PCDHGB6: variants seen among roughly 807,000 people sequenced by gnomAD.
PCDHGB6 encodes the protein protocadherin gamma subfamily B, 6.
In PCDHGB6, 51 loss-of-function variants were observed where a neutral mutation model predicts 59.1. The ratio of observed to expected loss-of-function variants is 0.86; its 90% CI spans 0.69 to 1.09. The LOEUF (loss-of-function observed/expected upper bound fraction) is 1.09. Among genes scored for constraint, PCDHGB6 ranks in the 50% least tolerant of loss-of-function variants. The pLI, the probability that PCDHGB6 is intolerant of heterozygous loss-of-function variation, is 0.00. For missense variants in PCDHGB6, 1,148 were observed against 1,205.1 expected, an observed-to-expected ratio of 0.95 and a Z score of 0.70; for synonymous variants, 466 against 495.1, an observed-to-expected ratio of 0.94 and a Z score of 0.78.
At chr5:141,458,662 C>T (rs948275548) in intron 1 of PCDHGB6, among the ~76,000 whole-genome samples, 3 of 152,064 alleles carry the variant, frequency 2.0e-5, no homozygotes, top group East Asian at 1.9e-4. Flanking sequence ...CTCCACCTCT[C>T]GGGTTCAAGC....
chr5:141,474,022 A>G (rs929139769), intron 1 of PCDHGB6, among the ~76,000 whole-genome samples: 1 of 152,160 alleles, frequency 6.6e-6, no homozygotes, highest in African/African-American at 2.4e-5. Flanking sequence ...GTGAGCTATG[A>G]TTATTCCACT....
At position 141,492,010 on chromosome 5, in the gene PCDHGB6, G is replaced by A. The variant is rs2099736138; in HGVS notation, c.2419-2797G>A. 2 of 617,370 alleles carry A rather than the reference G, an allele frequency of 3.2e-6. 1 individual carries two copies. Among genetic ancestry groups the A allele is most frequent in the Middle Eastern group, 8.7e-4 (2 of 2,312 alleles). The allele number at this position is 617,370 out of a possible 1,614,324, so 38.2% of individuals were successfully genotyped here. On this transcript the variant is annotated intron_variant, in intron 1 of 3. Transcript: ENST00000520790. Reference sequence around the variant, plus strand: ...GGTGAATTTCGGGCGATTTCCGCGGGTGTCGGGGGTCCCGGGAGGAGGCAG... The same window carrying A: ...GGTGAATTTCGGGCGATTTCCGCGGATGTCGGGGGTCCCGGGAGGAGGCAG...
chr5:141,454,493 A>G (rs1328573277), intron 1 of PCDHGB6, among the ~76,000 whole-genome samples: 1 of 151,866 alleles, frequency 6.6e-6, no homozygotes, highest in Non-Finnish European at 1.5e-5. Context: ...CGCAACCTCC[A>G]CCTCCTGGAT....
At chr5:141,444,138 C>CTTGTGTG (rs2098418688) in intron 1 of PCDHGB6, among the ~76,000 whole-genome samples, 1 of 122,946 alleles carries the variant, frequency 8.1e-6, no homozygotes, top group South Asian at 2.7e-4. Flanking sequence ...ATATGTGTCA[C>CTTGTGTG]TTGTGTGTAC....
intron 1 of PCDHGB6, chr5:141,478,072 G>A (rs752905249): frequency 6.2e-7 from 1 of 1,614,048 alleles, no homozygotes; most frequent in Admixed American, 1.7e-5. Flanking sequence ...AAGACAATGG[G>A]GAGCCTTCGC....
intron 1 of PCDHGB6, among the ~76,000 whole-genome samples, chr5:141,471,692 C>A (rs1293253544): frequency 6.6e-6 from 1 of 152,118 alleles, no homozygotes; most frequent in African/African-American, 2.4e-5. Context: ...TTCTGAAATT[C>A]TGGCTGGAAT....
At chr5:141,504,384 C>G (rs2099837898) in intron 2 of PCDHGB6, among the ~76,000 whole-genome samples, 1 of 152,026 alleles carries the variant, frequency 6.6e-6, no homozygotes, top group South Asian at 2.1e-4. Flanking sequence ...GAGTCGCTGC[C>G]TCACAGAAGC....
At chr5:141,500,582 T>G (rs534297929) in intron 2 of PCDHGB6, among the ~76,000 whole-genome samples, 29 of 152,314 alleles carry the variant, frequency 1.9e-4, no homozygotes, top group African/African-American at 6.7e-4. Flanking sequence ...ATGTGACACT[T>G]TATTCACATA....
chr5:141,428,297 T>G (rs2097131311), intron 1 of PCDHGB6: 5 of 712,160 alleles, frequency 7.0e-6, no homozygotes, highest in Non-Finnish European at 1.2e-5. Flanking sequence ...AAGCTGCAGA[T>G]TTACCTGGTC....
intron 1 of PCDHGB6, among the ~76,000 whole-genome samples, chr5:141,443,008 T>C (rs2098358096): frequency 1.3e-5 from 2 of 152,220 alleles, no homozygotes; most frequent in Admixed American, 1.3e-4. Context: ...TCTAAGAATA[T>C]GACTAATGGA....
chr5:141,480,145 C>A (rs1331658762), intron 1 of PCDHGB6, among the ~76,000 whole-genome samples: 1 of 151,968 alleles, frequency 6.6e-6, no homozygotes, highest in Non-Finnish European at 1.5e-5. Context: ...CAATTATTAG[C>A]CAGCTCCTAG....
At chr5:141,414,472 A>C (rs1039987036) in intron 1 of PCDHGB6, 5 of 1,613,796 alleles carry the variant, frequency 3.1e-6, no homozygotes, top group African/African-American at 1.3e-5. Flanking sequence ...AGATGGGGGA[A>C]GTCCTCCTCT....
chr5:141,492,558 G>A (rs879634396), intron 1 of PCDHGB6, among the ~76,000 whole-genome samples: 1 of 152,236 alleles, frequency 6.6e-6, no homozygotes, highest in South Asian at 2.1e-4. Context: ...CGCCTGGGGG[G>A]CGGCCTGAGC....
At chr5:141,478,617 G>T in intron 1 of PCDHGB6, 1 of 1,556,398 alleles carries the variant, frequency 6.4e-7, no homozygotes, top group South Asian at 1.2e-5. Context: ...AGGAAGGAAT[G>T]GAGCTGTTTT....
chr5:141,489,205 G>A lies in PCDHGB6; in HGVS notation c.2419-5602G>A. 2.1e-6 allele frequency: 3 copies of A among 1,438,682 alleles called. No homozygotes were observed. Among genetic ancestry groups the A allele is most frequent in the Non-Finnish European group, 1.9e-6 (2 of 1,060,944 alleles). 89.1% of individuals were successfully genotyped at this position (1,438,682 alleles called of 1,614,324 possible). On this transcript the variant is annotated intron_variant, in intron 1 of 3. Coordinates refer to ENST00000520790, the MANE Select transcript of PCDHGB6 (RefSeq NM_018926.3). The surrounding 1 kb of genome is among the most constrained non-coding windows in gnomAD (Gnocchi z 4.5). ...CTGGGTCTACCTTGGAGACAGGACA[G>A]CACAGACTTACTCTCCACAAAGGGA...
chr5:141,433,245 A>C, intron 1 of PCDHGB6: 3 of 1,459,776 alleles, frequency 2.1e-6, no homozygotes, highest in Non-Finnish European at 2.8e-6. Context: ...CCAAGCTGGA[A>C]TGCAGCGGTA....
rs781229038 is a variant in PCDHGB6, at chr5:141,489,990, A to C, written c.2419-4817A>C. 1.2e-4 allele frequency: 194 copies of C among 1,614,138 alleles called. No individual in the cohort carries two copies. Among genetic ancestry groups the C allele is most frequent in the Non-Finnish European group, 1.6e-4 (188 of 1,180,038 alleles). Reference sequence around the variant, plus strand: ...TCCAATCCTCAGTTCTACGTGTGGGAATCCCAGAGAATGCACCCATTGGTA... The same window carrying C: ...TCCAATCCTCAGTTCTACGTGTGGGCATCCCAGAGAATGCACCCATTGGTA... On this transcript the variant is annotated intron_variant, in intron 1 of 3. Transcript: ENST00000520790. The surrounding 1 kb of genome is among the most constrained non-coding windows in gnomAD (Gnocchi z 4.5).
Position 141,491,329 on chromosome 5 carries a change from G to A in PCDHGB6, c.2419-3478G>A. The A allele has an allele frequency of 6.2e-7, 1 of 1,614,142 alleles. No individual in the cohort carries two copies. Among genetic ancestry groups the A allele is most frequent in the Non-Finnish European group, 8.5e-7 (1 of 1,180,022 alleles). On this transcript the variant is annotated intron_variant, in intron 1 of 3. Coordinates refer to ENST00000520790, the MANE Select transcript of PCDHGB6 (RefSeq NM_018926.3). The surrounding 1 kb of genome is among the most constrained non-coding windows in gnomAD (Gnocchi z 6.9). ...AGACCTTACCCTTTACCTCATTGTG[G>A]CTCTAGCGACCGTCAGTCTCTTATC...
chr5:141,488,040 G>A (rs1212272063), intron 1 of PCDHGB6, among the ~76,000 whole-genome samples: 1 of 152,112 alleles, frequency 6.6e-6, no homozygotes, highest in Non-Finnish European at 1.5e-5. Flanking sequence ...CATTTCCCAA[G>A]GGATTGAGGG....
Sources: allele counts gnomAD v4.1 joint callset (sites outside exome capture counted in the v4.1 genomes callset), GRCh38; gene constraint gnomAD v4.1.1; non-coding constraint Gnocchi (gnomAD v3.1); transcripts MANE v1.5; gene names NCBI Gene and HGNC (gene_info 2026-07-23, HGNC 2026-07-21).